The following TSPAN1 variants were observed in gnomAD, a reference collection of about 807,000 sequenced individuals.
TSPAN1 encodes tetraspanin 1.
In TSPAN1, 23 loss-of-function variants were observed where a neutral mutation model predicts 26.9. That is an observed-to-expected ratio of 0.85 (90% CI 0.62 to 1.21). The LOEUF (loss-of-function observed/expected upper bound fraction) is 1.21, where lower values mean the gene tolerates loss of function less well. Ranked by LOEUF, TSPAN1 falls within the 50% of genes most tolerant of loss-of-function variation. The pLI, the probability that TSPAN1 is intolerant of heterozygous loss-of-function variation, is 0.00. For synonymous variants in TSPAN1, 115 were observed against 114.8 expected (o/e 1.00, Z -0.01); for missense variants, 283 against 298.4 (o/e 0.95, Z 0.38).
chr1:46,185,155 C>T lies in TSPAN1; in HGVS notation c.594+40C>T, dbSNP rs374820445. ...GAGTGGGTGGGGACTGTTTTCATGG[C>T]CTCAGAGTGGCAAACGGGGATGGGA... is the stretch of plus-strand genomic sequence containing the variant. On this transcript the variant is annotated intron_variant, in intron 7 of 8. Coordinates refer to ENST00000372003, the MANE Select transcript of TSPAN1 (RefSeq NM_005727.4). 74 of 1,614,160 alleles carry T rather than the reference C, an allele frequency of 4.6e-5. No homozygotes were observed. In the African/African-American group the frequency reaches 9.5e-4, roughly 21 times the overall value.
chr1:46,185,493 C>T lies in TSPAN1; in HGVS notation c.686C>T (p.Ala229Val). ...CTGTTCCTCCCTCTCCAGCTGGCTG[C>T]CATGATTGTGTCCATGTATCTGTAC... ...AAGIGGLELA[A>V]MIVSMYLYCN... Residue 229 changes from alanine to valine, a missense_variant, in exon 9 of 9, where the codon GCC becomes GTC. Physicochemically the swap from Ala to Val is moderately conservative, Grantham distance 64. Coordinates refer to ENST00000372003, the MANE Select transcript of TSPAN1 (RefSeq NM_005727.4). The T allele has an allele frequency of 6.2e-7, 1 of 1,614,196 alleles. No individual in the cohort carries two copies. Among genetic ancestry groups the T allele is most frequent in the Non-Finnish European group, 8.5e-7 (1 of 1,180,028 alleles).
chr1:46,193,087 G>A, the TSPAN1 span: 1 of 1,605,802 alleles, frequency 6.2e-7, no homozygotes, highest in African/African-American at 1.3e-5. Context: ...GGCCCAGTGA[G>A]GGGAAGAGCT....
chr1:46,188,765 C>T (rs568106095), downstream of TSPAN1: 43 of 1,612,790 alleles, frequency 2.7e-5, no homozygotes, highest in Non-Finnish European at 3.5e-5. Context: ...GAGAGGAGGC[C>T]TGGTCCAGTG....
the TSPAN1 span, chr1:46,194,970 C>T: frequency 1.2e-6 from 2 of 1,613,522 alleles, no homozygotes; most frequent in Admixed American, 3.3e-5. Context: ...TCCTGGGGGA[C>T]CAGAGAAGGC....
intron 1 of TSPAN1, chr1:46,176,417 AG>A (rs1419193007): frequency 9.1e-6 from 14 of 1,535,752 alleles, no homozygotes; most frequent in Non-Finnish European, 7.0e-6. Context: ...GGCCTGCGGT[AG>A]GGGGAACGCA....
intron 1 of TSPAN1, among the ~76,000 whole-genome samples, chr1:46,176,806 AC>A (rs1338004340): frequency 6.6e-6 from 1 of 152,226 alleles, no homozygotes; most frequent in Non-Finnish European, 1.5e-5. Context: ...TGAGCACTTT[AC>A]CAACGTTATC....
rs878953703 is a variant in TSPAN1 at position 46,185,479 on chromosome 1, T to A, written c.679-7T>A. 3 of 1,614,176 alleles carry A rather than the reference T, an allele frequency of 1.9e-6. No individual in the cohort carries two copies. In the East Asian group the frequency reaches 6.7e-5, roughly 36 times the overall value. On this transcript the variant is annotated splice_polypyrimidine_tract_variant and splice_region_variant and intron_variant, in intron 8 of 8. Coordinates refer to ENST00000372003, the MANE Select transcript of TSPAN1 (RefSeq NM_005727.4). ...TCCCTCATCTCTCCCTGTTCCTCCC[T>A]CTCCAGCTGGCTGCCATGATTGTGT...
intron 5 of TSPAN1, 34 bp downstream of exon 5, chr1:46,184,702 T>C (rs369161050): frequency 9.9e-6 from 16 of 1,614,014 alleles, no homozygotes; most frequent in Non-Finnish European, 1.4e-5. Context: ...GGAAGAAGAT[T>C]GGGCAAAACC....
the TSPAN1 span, among the ~76,000 whole-genome samples, chr1:46,196,434 G>A: frequency 6.6e-6 from 1 of 152,228 alleles, no homozygotes; most frequent in African/African-American, 2.4e-5. This position sits in a 1 kb window ranked among gnomAD's most constrained non-coding sequence, Gnocchi z 4.4. Flanking sequence ...ACAAGGCTGA[G>A]GCCAAAGAAA....
intron 3 of TSPAN1, among the ~76,000 whole-genome samples, chr1:46,183,011 C>G (rs746888275): frequency 6.6e-6 from 1 of 152,132 alleles, no homozygotes; most frequent in Non-Finnish European, 1.5e-5. Context: ...GAGGCGGTCT[C>G]ACTATATTGC....
At chr1:46,187,728 T>C (rs1043133806), downstream of TSPAN1, among the ~76,000 whole-genome samples, 7 of 152,236 alleles carry the variant, frequency 4.6e-5, no homozygotes, top group African/African-American at 1.7e-4. Flanking sequence ...CATGGGCTAA[T>C]TGCTGCTCAA....
At chr1:46,190,866 G>T, downstream of TSPAN1, 2 of 1,328,814 alleles carry the variant, frequency 1.5e-6, no homozygotes, top group Non-Finnish European at 1.1e-6. Flanking sequence ...ACATCTATAA[G>T]ACACACAAAT....
chr1:46,194,127 C>T, the TSPAN1 span: 1 of 1,544,184 alleles, frequency 6.5e-7, no homozygotes, highest in Non-Finnish European at 8.8e-7. Context: ...CCCTTCACCC[C>T]AGCCCTGTCT....
downstream of TSPAN1, chr1:46,189,834 TG>T (rs1278664000): frequency 6.2e-7 from 1 of 1,613,252 alleles, no homozygotes; most frequent in Admixed American, 1.7e-5. Context: ...TTCTCCAGGG[TG>T]GGCATGGTAT....
the TSPAN1 span, chr1:46,195,019 C>T: frequency 1.3e-6 from 2 of 1,503,140 alleles, no homozygotes; most frequent in Non-Finnish European, 1.9e-6. Context: ...GACCTGGCCT[C>T]ACAGAGCACG....
At chr1:46,192,714 A>C in the TSPAN1 span, 24 of 1,598,192 alleles carry the variant, frequency 1.5e-5, no homozygotes, top group Non-Finnish European at 2.0e-5. Context: ...CCTTCCCCCA[A>C]ATCCCCACTG....
At chr1:46,176,376 G>C (rs980112967) in intron 1 of TSPAN1, 3 of 1,535,740 alleles carry the variant, frequency 2.0e-6, no homozygotes, top group South Asian at 1.2e-5. Context: ...TGAACATCCT[G>C]GGAAATCGGG....
At position 46,185,583 on chromosome 1, in the gene TSPAN1, G is replaced by C; in HGVS notation, c.*50G>C. ...TGCTGCCACATGGGAACTGTGAAGA[G>C]GCACCCTGGCAAGCAGCAGTGATTG... On this transcript the variant is annotated 3_prime_UTR_variant, in exon 9 of 9. Transcript: ENST00000372003. 6.3e-7 allele frequency: 1 copy of C among 1,596,918 alleles called. No individual in the cohort carries two copies. The highest frequency in any genetic ancestry group is 8.6e-7 in the Non-Finnish European group (1 of 1,165,384).
intron 5 of TSPAN1, 21 bp downstream of exon 5, chr1:46,184,689 A>G: frequency 6.2e-7 from 1 of 1,614,078 alleles, no homozygotes; most frequent in Non-Finnish European, 8.5e-7. Flanking sequence ...GGGATGGAGG[A>G]AGGGAAGAAG....
Sources: gnomAD v4.1 joint callset for allele counts (sites outside exome capture counted in the v4.1 genomes callset) on GRCh38, gnomAD v4.1.1 for gene constraint, Gnocchi (gnomAD v3.1) non-coding constraint, MANE v1.5 for transcripts, NCBI Gene and HGNC (gene_info 2026-07-23, HGNC 2026-07-21) for gene names.